The following AP3B2 variants were observed in gnomAD, a reference collection of about 807,000 sequenced individuals.
The protein encoded by AP3B2 is adaptor related protein complex 3 subunit beta 2.
In AP3B2, 50 loss-of-function variants were observed where a neutral mutation model predicts 126.9. The observed-to-expected ratio is 0.39, with a 90% CI of 0.31 to 0.50. The LOEUF (loss-of-function observed/expected upper bound fraction) is 0.50. AP3B2 is among the 20% of genes least tolerant of loss of function. The pLI is 0.79. For missense variants in AP3B2, 1,177 were observed against 1,426.4 expected, an observed-to-expected ratio of 0.83 and a Z score of 2.82; for synonymous variants, 541 against 565.0, an observed-to-expected ratio of 0.96 and a Z score of 0.60.
intron 13 of AP3B2, 74 bp downstream of exon 13, chr15:82,677,200 A>C: frequency 8.1e-7 from 1 of 1,238,468 alleles, no homozygotes; most frequent in Non-Finnish European, 1.2e-6. Flanking sequence ...TAAGGCTAGC[A>C]TATGTAATTA....
intron 1 of AP3B2, among the ~76,000 whole-genome samples, chr15:82,705,801 G>C (rs1342340527): frequency 6.6e-6 from 1 of 152,168 alleles, no homozygotes; most frequent in Non-Finnish European, 1.5e-5. Context: ...GGGATGGTTA[G>C]GTACTTCCAC....
chr15:82,709,470 G>A (rs1166567459), intron 1 of AP3B2, 124 bp downstream of exon 1: 11 of 516,236 alleles, frequency 2.1e-5, no homozygotes, highest in Non-Finnish European at 2.5e-5. Flanking sequence ...GGGCCGGGCG[G>A]GCTTCCGGTC....
chr15:82,702,852 T>C (rs1478837737), intron 1 of AP3B2, among the ~76,000 whole-genome samples: 3 of 152,152 alleles, frequency 2.0e-5, no homozygotes, highest in Non-Finnish European at 4.4e-5. Context: ...TGCTTCATGA[T>C]AAAGATCCAC....
intron 1 of AP3B2, among the ~76,000 whole-genome samples, chr15:82,701,641 T>C (rs1329238562): frequency 6.6e-6 from 1 of 152,228 alleles, no homozygotes; most frequent in African/African-American, 2.4e-5. Context: ...CTTAACATGG[T>C]TCAACCAAAA....
chr15:82,700,734 G>A (rs2048708875), intron 1 of AP3B2, among the ~76,000 whole-genome samples: 1 of 151,570 alleles, frequency 6.6e-6, no homozygotes, highest in South Asian at 2.1e-4. Flanking sequence ...AAACCCCTTT[G>A]ACCCTCAAGT....
At chr15:82,677,566 A>C in intron 12 of AP3B2, 105 bp downstream of exon 12, 1 of 1,426,402 alleles carries the variant, frequency 7.0e-7, no homozygotes, top group Non-Finnish European at 9.4e-7. Context: ...CAATGGATAC[A>C]CATTGTGTCT....
chr15:82,675,639 A>G (rs2048230858), intron 14 of AP3B2, among the ~76,000 whole-genome samples: 1 of 152,222 alleles, frequency 6.6e-6, no homozygotes, highest in Non-Finnish European at 1.5e-5. Context: ...GTCTGTTGCA[A>G]CTAGTTAACC....
chr15:82,677,242 A>C (rs2048257538), intron 13 of AP3B2, 32 bp downstream of exon 13: 2 of 1,527,844 alleles, frequency 1.3e-6, no homozygotes, highest in Admixed American at 1.7e-5. Flanking sequence ...AGGACCTTGA[A>C]GTGGGGAGTG....
chr15:82,666,971 G>A (rs751918544), intron 14 of AP3B2, 38 bp from the exon 15 acceptor site: 2 of 1,584,390 alleles, frequency 1.3e-6, no homozygotes, highest in Non-Finnish European at 1.7e-6. Flanking sequence ...CTGACGGGGG[G>A]ATGGGGACAC....
At chr15:82,675,155 C>T (rs2151437156) in intron 14 of AP3B2, among the ~76,000 whole-genome samples, 1 of 152,302 alleles carries the variant, frequency 6.6e-6, no homozygotes, top group African/African-American at 2.4e-5. Flanking sequence ...TTCTCTCTCT[C>T]CCCCTCTAAC....
At chr15:82,703,516 C>T (rs918437835) in intron 1 of AP3B2, among the ~76,000 whole-genome samples, 3 of 152,148 alleles carry the variant, frequency 2.0e-5, no homozygotes, top group Non-Finnish European at 4.4e-5. Flanking sequence ...GAACTTAAAA[C>T]CTCTTCAACT....
At chr15:82,704,382 G>A (rs888099941) in intron 1 of AP3B2, among the ~76,000 whole-genome samples, 3 of 152,196 alleles carry the variant, frequency 2.0e-5, no homozygotes, top group African/African-American at 7.2e-5. Context: ...AGGCAGCCAA[G>A]TAGCAATGTA....
At chr15:82,688,170 A>G in intron 4 of AP3B2, 1 of 469,584 alleles carries the variant, frequency 2.1e-6, no homozygotes, top group Non-Finnish European at 3.8e-6. Context: ...AGAGCTGAAA[A>G]ATCCAATATG....
intron 15 of AP3B2, 145 bp downstream of exon 15, chr15:82,666,602 G>T (rs1596170144): frequency 5.9e-6 from 5 of 848,328 alleles, no homozygotes; most frequent in African/African-American, 5.1e-5. Flanking sequence ...GGTGCCACAG[G>T]AGGGACAAAA....
intron 1 of AP3B2, among the ~76,000 whole-genome samples, chr15:82,700,192 C>T (rs1407819351): frequency 1.3e-5 from 2 of 152,032 alleles, no homozygotes; most frequent in Non-Finnish European, 2.9e-5. Context: ...ATACCCTCTT[C>T]TCACTGACCC....
rs1264504508 is a variant in AP3B2 at position 82,680,456 on chromosome 15, T to TG, written c.1055+15dup. Reference sequence around the variant, plus strand: ...CAGGAGGCGAGGGAGGGGGCGGGGCTGGGGGCGGAGCGCACCTGTGGCTGC... The same window carrying TG: ...CAGGAGGCGAGGGAGGGGGCGGGGCTGGGGGGCGGAGCGCACCTGTGGCTGC... On this transcript the variant is annotated intron_variant, in intron 8 of 26. Coordinates refer to ENST00000535359, the MANE Select transcript of AP3B2 (RefSeq NM_001278512.2). This position sits in a 1 kb window ranked among gnomAD's most constrained non-coding sequence, Gnocchi z 6.1. 167 of 868,160 alleles carry TG rather than the reference T, an allele frequency of 1.9e-4. No homozygotes were observed. Among genetic ancestry groups the TG allele is most frequent in the Non-Finnish European group, 2.4e-4 (162 of 675,936 alleles). 53.8% of individuals were successfully genotyped at this position (868,160 alleles called of 1,614,324 possible).
chr15:82,663,535 T>C, intron 21 of AP3B2, 25 bp downstream of exon 21: 1 of 1,612,002 alleles, frequency 6.2e-7, no homozygotes, highest in Non-Finnish European at 8.5e-7. Context: ...TCCTTTCCCC[T>C]GTGACTTTTA....
chr15:82,691,962 G>A, intron 1 of AP3B2: 1 of 1,424,160 alleles, frequency 7.0e-7, no homozygotes, highest in South Asian at 1.2e-5. Context: ...CCGTCCTTCT[G>A]CACATCGGCA....
chr15:82,689,401 C>T lies in AP3B2; in HGVS notation c.166G>A (p.Glu56Lys). 1 of 1,613,932 alleles carries T rather than the reference C, an allele frequency of 6.2e-7. No homozygotes were observed. Among genetic ancestry groups the T allele is most frequent in the Non-Finnish European group, 8.5e-7 (1 of 1,179,886 alleles). The change falls in exon 2 of 27, where the codon GAG becomes AAG. Residue 56 changes from glutamate to lysine, a missense_variant. Physicochemically the swap from Glu to Lys is moderately conservative, Grantham distance 56 (BLOSUM62 1). Around this residue, in one of 5 missense-constraint regions of AP3B2, gnomAD observed 130 missense variants for 262.0 expected, o/e 0.50. Coordinates refer to ENST00000535359, the MANE Select transcript of AP3B2 (RefSeq NM_001278512.2). ...LDTNKDSLKL[E>K]AMKRIVAMIA... ...ACCGCCACAATCCTCTTCATGGCCT[C>T]CAGCTTGAGAGAATCCTTGTTGGTG...
Sources: allele counts gnomAD v4.1 joint callset (sites outside exome capture counted in the v4.1 genomes callset), GRCh38; gene constraint gnomAD v4.1.1; regional missense constraint gnomAD v4.1.1; non-coding constraint Gnocchi (gnomAD v3.1); transcripts MANE v1.5; gene names NCBI Gene and HGNC (gene_info 2026-07-23, HGNC 2026-07-21).